FPR3: variants seen among roughly 807,000 people sequenced by gnomAD.
FPR3 encodes formyl peptide receptor 3, also known as N-formyl peptide receptor 3.
For missense variants in FPR3, 346 were observed against 443.2 expected (o/e 0.78, Z 1.97); for synonymous variants, 135 against 163.6 (o/e 0.83, Z 1.34).
At chr19:51,815,848 T>A (rs2084131704) in intron 1 of FPR3, among the ~76,000 whole-genome samples, 1 of 146,240 alleles carries the variant, frequency 6.8e-6, no homozygotes, top group African/African-American at 2.5e-5. Flanking sequence ...GGTGATAGAA[T>A]GAGACCCTGT....
intron 1 of FPR3, among the ~76,000 whole-genome samples, chr19:51,806,382 A>G (rs7248607): frequency 0.25 from 37,779 of 152,168 alleles, 5,056 homozygotes; most frequent in South Asian, 0.39. Flanking sequence ...GGGGATTTCC[A>G]TAACACTTTC....
intron 1 of FPR3, among the ~76,000 whole-genome samples, chr19:51,808,110 G>A (rs1408275558): frequency 6.6e-6 from 1 of 152,186 alleles, no homozygotes; most frequent in Non-Finnish European, 1.5e-5. Flanking sequence ...TTTGGCTTCT[G>A]CCTCTTTAGT....
chr19:51,816,039 AC>A (rs1216649371), intron 1 of FPR3, among the ~76,000 whole-genome samples: 29 of 150,208 alleles, frequency 1.9e-4, no homozygotes, highest in Non-Finnish European at 3.1e-4. Flanking sequence ...TACACCCCAG[AC>A]TGGGGAAGAG....
chr19:51,797,609 G>C (rs2084007385), intron 1 of FPR3, among the ~76,000 whole-genome samples: 1 of 152,178 alleles, frequency 6.6e-6, no homozygotes, highest in South Asian at 2.1e-4. Flanking sequence ...GTCTCAGGGT[G>C]TGTTGAGTGC....
At chr19:51,807,829 T>C (rs529305610) in intron 1 of FPR3, among the ~76,000 whole-genome samples, 3 of 152,226 alleles carry the variant, frequency 2.0e-5, no homozygotes, top group Non-Finnish European at 4.4e-5. Flanking sequence ...AAAGGAACAA[T>C]AATTTTGTCA....
intron 1 of FPR3, among the ~76,000 whole-genome samples, chr19:51,821,438 G>A (rs1449722229): frequency 2.0e-5 from 3 of 152,094 alleles, no homozygotes; most frequent in African/African-American, 4.8e-5. Flanking sequence ...GGCCAGGGGT[G>A]TTGCTAAATA....
intron 1 of FPR3, among the ~76,000 whole-genome samples, chr19:51,805,652 T>G (rs1036334873): frequency 6.6e-6 from 1 of 152,234 alleles, no homozygotes; most frequent in Non-Finnish European, 1.5e-5. Context: ...CTTCAGTTTG[T>G]AACTCAGTGT....
intron 1 of FPR3, among the ~76,000 whole-genome samples, chr19:51,812,767 C>A (rs964317224): frequency 5.3e-5 from 8 of 152,242 alleles, no homozygotes; most frequent in South Asian, 4.1e-4. Context: ...TCATTTAATT[C>A]GTCTCTTAGT....
chr19:51,799,529 C>T (rs1247028205), intron 1 of FPR3, among the ~76,000 whole-genome samples: 1 of 152,234 alleles, frequency 6.6e-6, no homozygotes, highest in African/African-American at 2.4e-5. Context: ...ATGACTCACG[C>T]ACTTCCTGCA....
rs1439383870 is a variant in FPR3 at position 51,825,974 on chromosome 19, G to GTT, written c.*1165_*1166insTT. ...CTTTCTGGGGCTTTCTCTTTTTAAA[G>GTT]TCAGACTGTTGAAGGTTTCTTCTAT... On this transcript the variant is annotated 3_prime_UTR_variant, in exon 2 of 2. Transcript: ENST00000339223. The GTT allele has an allele frequency of 1.8e-5, 3 of 166,882 alleles. No homozygotes were observed. The highest frequency in any genetic ancestry group is 7.2e-5 in the African/African-American group (3 of 41,454). 10.3% of individuals were successfully genotyped at this position (166,882 alleles called of 1,614,324 possible). A position where few individuals can be genotyped will look rare whatever the true frequency, so the allele number is the denominator to read the frequency against.
At position 51,798,867 on chromosome 19, in the gene FPR3, G is replaced by C. The variant is rs1035115808; in HGVS notation, c.-11+3536G>C. ...AAATTGCTGTAGCTTGGCTGGGCGT[G>C]GTGGCTCACACCTGTAATCCCAGCA... On this transcript the variant is annotated intron_variant, in intron 1 of 1. Coordinates refer to ENST00000339223, the MANE Select transcript of FPR3 (RefSeq NM_002030.5). Among the ~76,000 whole-genome samples the C allele has an allele frequency of 3.9e-5, 6 of 152,294 alleles. No homozygotes were observed. In the East Asian group the frequency reaches 1.2e-3, roughly 29 times the overall value.
At chr19:51,803,093 C>T (rs1299651516) in intron 1 of FPR3, among the ~76,000 whole-genome samples, 1 of 151,796 alleles carries the variant, frequency 6.6e-6, no homozygotes, top group Non-Finnish European at 1.5e-5. Context: ...AAGTGAGAAA[C>T]ATTTGATGTC....
At chr19:51,796,831 C>G (rs955615540) in intron 1 of FPR3, among the ~76,000 whole-genome samples, 1 of 152,060 alleles carries the variant, frequency 6.6e-6, no homozygotes. Context: ...GGGACTCCCA[C>G]GGGGAGAGGT....
At chr19:51,817,321 C>T (rs145962621) in intron 1 of FPR3, among the ~76,000 whole-genome samples, 2 of 152,248 alleles carry the variant, frequency 1.3e-5, no homozygotes, top group Admixed American at 6.5e-5. Flanking sequence ...AATAGAGTCA[C>T]TCATACTAAA....
At chr19:51,823,660 G>A in intron 1 of FPR3, 79 bp from the exon 2 acceptor site, 1 of 1,101,036 alleles carries the variant, frequency 9.1e-7, no homozygotes. Flanking sequence ...AGGAGGAGGA[G>A]CTACAGTGGA....
At chr19:51,815,695 C>T (rs1410779391) in intron 1 of FPR3, among the ~76,000 whole-genome samples, 1 of 151,492 alleles carries the variant, frequency 6.6e-6, no homozygotes, top group Admixed American at 6.6e-5. Context: ...ATGGCGAAAC[C>T]CTGTTTGTAC....
At position 51,815,534 on chromosome 19, in the gene FPR3, A is replaced by C. The variant is rs373813154; in HGVS notation, c.-10-8205A>C. Among the ~76,000 whole-genome samples, 12 of 148,590 alleles carry C rather than the reference A, an allele frequency of 8.1e-5. No homozygotes were observed. In the East Asian group the frequency reaches 1.8e-3, roughly 22 times the overall value. On this transcript the variant is annotated intron_variant, in intron 1 of 1. Transcript: ENST00000339223. ...CAGTGAGCCAAGATCCCGCCACTGC[A>C]CTCCAGCCTGAGGGACAGGGTGAGA...
At position 51,805,935 on chromosome 19, in the gene FPR3, C is replaced by T. The variant is rs142855747; in HGVS notation, c.-11+10604C>T. Among the ~76,000 whole-genome samples the T allele has an allele frequency of 2.4e-3, 359 of 152,198 alleles. 1 individual carries two copies. The highest frequency in any genetic ancestry group is 8.3e-3 in the African/African-American group (343 of 41,522). On this transcript the variant is annotated intron_variant, in intron 1 of 1. Coordinates refer to ENST00000339223, the MANE Select transcript of FPR3 (RefSeq NM_002030.5). The stretch of plus-strand genomic sequence containing the variant: ...AGGAATCCCTAGCCCAGGGATGCAA[C>T]CTAAAATCATCAAAGTCGAGATATT...
chr19:51,816,080 A>ACC (rs1161241649), intron 1 of FPR3, among the ~76,000 whole-genome samples: 2 of 149,634 alleles, frequency 1.3e-5, no homozygotes, highest in African/African-American at 2.5e-5. Context: ...AAAAAAAAAA[A>ACC]CCCTTGAGAA....
Sources: allele counts gnomAD v4.1 joint callset (sites outside exome capture counted in the v4.1 genomes callset), GRCh38; gene constraint gnomAD v4.1.1; transcripts MANE v1.5; gene names NCBI Gene and HGNC (gene_info 2026-07-23, HGNC 2026-07-21).